KIAA1217: variants seen among roughly 807,000 people sequenced by gnomAD.
The protein encoded by KIAA1217 is KIAA1217.
Under a neutral mutation model 163.9 loss-of-function variants are expected in KIAA1217, and 88 were observed. The ratio of observed to expected loss-of-function variants is 0.54; its 90% CI spans 0.45 to 0.64. The LOEUF is 0.64. KIAA1217 is among the 30% of genes least tolerant of loss of function. The probability of loss-of-function intolerance (pLI) is 0.00; values close to 1 mark genes in which losing one functional copy is unlikely to be tolerated. For synonymous variants in KIAA1217, 903 were observed against 923.1 expected (o/e 0.98, Z 0.39); for missense variants, 2,372 against 2,475.0 (o/e 0.96, Z 0.88).
At chr10:24,219,510 G>T (rs1236930016) in intron 1 of KIAA1217, 116 bp from the exon 2 acceptor site, 2 of 759,266 alleles carry the variant, frequency 2.6e-6, no homozygotes, top group Non-Finnish European at 3.9e-6. Flanking sequence ...AAAGAAAAAA[G>T]ATTTGCGAAG....
At chr10:23,962,173 T>A (rs1844846252) in intron 1 of KIAA1217, among the ~76,000 whole-genome samples, 1 of 152,222 alleles carries the variant, frequency 6.6e-6, no homozygotes, top group Non-Finnish European at 1.5e-5. Context: ...TATTCTCATG[T>A]AGAGTAGTGA....
intron 2 of KIAA1217, among the ~76,000 whole-genome samples, chr10:24,262,521 G>T (rs941599166): frequency 1.3e-5 from 2 of 152,012 alleles, no homozygotes; most frequent in African/African-American, 4.8e-5. Context: ...CAGCTTTTCG[G>T]GAGGCTGAAG....
At position 24,404,017 on chromosome 10, in the gene KIAA1217, C is replaced by T. The variant is rs552765753; in HGVS notation, c.553+22950C>T. ...TGTTGCCCAGGTTGGAGTACAGCGG[C>T]GTAATCACAGTTCCACCATAGCCCC... On this transcript the variant is annotated intron_variant, in intron 3 of 20. Transcript: ENST00000376454. Among the ~76,000 whole-genome samples, 34 of 152,164 alleles carry T rather than the reference C, an allele frequency of 2.2e-4. No homozygotes were observed. The East Asian group carries it at 5.8e-3, about 26-fold the overall frequency.
At chr10:24,219,485 C>T (rs1019498914) in intron 1 of KIAA1217, 141 bp from the exon 2 acceptor site, 1 of 636,498 alleles carries the variant, frequency 1.6e-6, no homozygotes, top group Non-Finnish European at 2.5e-6. Flanking sequence ...TGCTGCAAAG[C>T]AGAAAAAGAA....
At chr10:23,752,714 T>C (rs1839803592) in intron 1 of KIAA1217, among the ~76,000 whole-genome samples, 1 of 152,222 alleles carries the variant, frequency 6.6e-6, no homozygotes, top group Non-Finnish European at 1.5e-5. Context: ...TTATGACATG[T>C]TACTAATGAA....
chr10:23,921,919 T>C (rs1468266671), intron 1 of KIAA1217, among the ~76,000 whole-genome samples: 1 of 152,076 alleles, frequency 6.6e-6, no homozygotes, highest in East Asian at 1.9e-4. Context: ...ATCCTAGTAG[T>C]GATAAATGTG....
At chr10:24,489,344 G>C (rs2065809049) in intron 6 of KIAA1217, among the ~76,000 whole-genome samples, 2 of 152,122 alleles carry the variant, frequency 1.3e-5, no homozygotes, top group East Asian at 3.9e-4. Flanking sequence ...CATCAGCTCG[G>C]CTAGCTGGTT....
chr10:23,931,976 C>G (rs916713258), intron 1 of KIAA1217, among the ~76,000 whole-genome samples: 5 of 152,144 alleles, frequency 3.3e-5, no homozygotes, highest in African/African-American at 1.2e-4. Flanking sequence ...CCAGAAAAGA[C>G]CAGCTGGCAA....
rs182087913 is a variant in KIAA1217 at position 23,967,496 on chromosome 10, C to T, written c.-320-39729C>T. Among the ~76,000 whole-genome samples, 238 of 151,980 alleles carry T rather than the reference C, an allele frequency of 1.6e-3. 2 individuals carry two copies. The highest frequency in any genetic ancestry group is 4.2e-3 in the African/African-American group (173 of 41,478). ...TCCACAGAAAAAGAAATACAAATGG[C>T]CAATACATAAATGCAATGATACTTG... On this transcript the variant is annotated intron_variant, in intron 1 of 18. Coordinates refer to the KIAA1217 transcript ENST00000376462.
chr10:24,409,460 G>C, intron 3 of KIAA1217, among the ~76,000 whole-genome samples: 1 of 152,066 alleles, frequency 6.6e-6, no homozygotes, highest in East Asian at 1.9e-4. Flanking sequence ...GCTGGAGGAA[G>C]GGATTACAAA....
At chr10:24,484,243 T>A (rs55663870) in intron 6 of KIAA1217, among the ~76,000 whole-genome samples, 3,255 of 44,292 alleles carry the variant, frequency 0.073, 79 homozygotes, top group African/African-American at 0.19. Context: ...ATATATATAT[T>A]TTTTTTTTTT....
intron 1 of KIAA1217, among the ~76,000 whole-genome samples, chr10:23,723,253 T>G (rs2130768393): frequency 6.6e-6 from 1 of 152,236 alleles, no homozygotes; most frequent in East Asian, 1.9e-4. Context: ...CACACTCCTG[T>G]GCTTTTGGGA....
At chr10:24,099,125 GAA>G (rs1249811935) in intron 2 of KIAA1217, among the ~76,000 whole-genome samples, 2 of 151,946 alleles carry the variant, frequency 1.3e-5, no homozygotes, top group African/African-American at 4.8e-5. Context: ...CTCCCAGGAA[GAA>G]GTTGGGAAGG....
chr10:24,168,788 C>T (rs1448364932), intron 2 of KIAA1217, among the ~76,000 whole-genome samples: 1 of 152,202 alleles, frequency 6.6e-6, no homozygotes, highest in Admixed American at 6.5e-5. Context: ...CAAAGGCTGT[C>T]CTACATAGCA....
intron 2 of KIAA1217, among the ~76,000 whole-genome samples, chr10:24,357,328 G>A (rs1203465632): frequency 6.6e-6 from 1 of 152,176 alleles, no homozygotes; most frequent in African/African-American, 2.4e-5. Flanking sequence ...GGAAGAAAAG[G>A]GAGAATCAGA....
chr10:23,878,268 A>T (rs1564500334), intron 1 of KIAA1217, among the ~76,000 whole-genome samples: 1 of 152,044 alleles, frequency 6.6e-6, no homozygotes, highest in East Asian at 2.0e-4. Context: ...TTTTTAAAAA[A>T]TTTCTACTAT....
chr10:24,237,000 C>G (rs1412484330), intron 2 of KIAA1217, among the ~76,000 whole-genome samples: 2 of 152,172 alleles, frequency 1.3e-5, no homozygotes, highest in Non-Finnish European at 2.9e-5. Context: ...GAATTCAAGA[C>G]AGAGAGTCTT....
chr10:24,132,273 G>C (rs1280677911), intron 2 of KIAA1217, among the ~76,000 whole-genome samples: 1 of 151,732 alleles, frequency 6.6e-6, no homozygotes, highest in South Asian at 2.1e-4. Context: ...GCTGAAAGAC[G>C]AAAAGAAAAT....
chr10:23,947,081 C>A (rs1383520558), intron 1 of KIAA1217, among the ~76,000 whole-genome samples: 1 of 152,136 alleles, frequency 6.6e-6, no homozygotes, highest in African/African-American at 2.4e-5. Flanking sequence ...GTTTGCTTCC[C>A]CTTCTGCCAT....
Sources: gnomAD v4.1 joint callset for allele counts (sites outside exome capture counted in the v4.1 genomes callset) on GRCh38, gnomAD v4.1.1 for gene constraint, MANE v1.5 for transcripts, NCBI Gene and HGNC (gene_info 2026-07-23, HGNC 2026-07-21) for gene names.